Variants in PTPRF observed in about 807,000 individuals in gnomAD.
PTPRF encodes receptor-type tyrosine-protein phosphatase F.
A neutral mutation model predicts 201.8 loss-of-function variants in PTPRF; 59 were observed. That is an observed-to-expected ratio of 0.29 (90% CI 0.24 to 0.36). The LOEUF is 0.36. Ranked by LOEUF, PTPRF falls within the 10% of genes least tolerant of loss-of-function variation. PTPRF has a pLI of 1.00. For missense variants in PTPRF, 2,132 were observed against 2,690.5 expected (o/e 0.79, Z 4.59); for synonymous variants, 1,088 against 1,089.7 (o/e 1.00, Z 0.03).
chr1:43,578,615 C>T (rs1647094776), intron 6 of PTPRF, among the ~76,000 whole-genome samples, 195 bp from the exon 7 acceptor site: 1 of 152,146 alleles, frequency 6.6e-6, no homozygotes, highest in Non-Finnish European at 1.5e-5. Context: ...CAAAGCACAA[C>T]CGTTGGTTCT....
intron 2 of PTPRF, among the ~76,000 whole-genome samples, chr1:43,540,054 G>A (rs1183137760): frequency 1.3e-5 from 2 of 152,186 alleles, no homozygotes; most frequent in African/African-American, 2.4e-5. Flanking sequence ...CTTGTTGTCT[G>A]TGTTGGGGTT....
intron 3 of PTPRF, among the ~76,000 whole-genome samples, chr1:43,547,466 A>G (rs1235556626): frequency 6.6e-6 from 1 of 152,222 alleles, no homozygotes; most frequent in Non-Finnish European, 1.5e-5. Context: ...CGCAGGAGCC[A>G]GGGTCTGTCT....
At chr1:43,616,739 CGGT>C (rs1432750966) in intron 23 of PTPRF, among the ~76,000 whole-genome samples, 1 of 152,056 alleles carries the variant, frequency 6.6e-6, no homozygotes, top group Non-Finnish European at 1.5e-5. Context: ...AAGGACCTCC[CGGT>C]GGAGGTGTCA....
At chr1:43,522,995 G>A (rs943409435), upstream of PTPRF, among the ~76,000 whole-genome samples, 20 of 152,338 alleles carry the variant, frequency 1.3e-4, no homozygotes, top group African/African-American at 3.8e-4. Context: ...GTGAGGAGGC[G>A]CTGCAGAGGT....
Position 43,605,202 on chromosome 1 carries a change from G to A in PTPRF, c.3148G>A (p.Gly1050Arg), listed in dbSNP as rs1470249056. The stretch of plus-strand genomic sequence containing the variant: ...CCGTCCCCCACAGATTCTGTACAAT[G>A]GGCAGAGTGTGGAGGTGGACGGGCA... ...SAVPFKILYN[G>R]QSVEVDGHSM... The change falls in exon 18 of 34, where the codon GGG becomes AGG. Residue 1050 changes from glycine to arginine, a missense_variant. By Grantham distance (125) the Gly-to-Arg change is moderately radical (BLOSUM62 -2). Coordinates refer to ENST00000359947, the MANE Select transcript of PTPRF (RefSeq NM_002840.5). 3 of 1,600,748 alleles carry A rather than the reference G, an allele frequency of 1.9e-6. No individual in the cohort carries two copies. Among genetic ancestry groups the A allele is most frequent in the South Asian group, 1.1e-5 (1 of 90,314 alleles).
intron 6 of PTPRF, among the ~76,000 whole-genome samples, chr1:43,575,719 C>G (rs914922196): frequency 9.9e-5 from 15 of 152,214 alleles, no homozygotes; most frequent in African/African-American, 3.4e-4. Flanking sequence ...CACAGCTTCA[C>G]TGACACTCAG....
chr1:43,571,997 C>T (rs1646604501), intron 6 of PTPRF, among the ~76,000 whole-genome samples: 1 of 152,238 alleles, frequency 6.6e-6, no homozygotes, highest in Non-Finnish European at 1.5e-5. Flanking sequence ...CTTCATGGAG[C>T]TCTTTCTACT....
At chr1:43,563,581 G>A (rs541780827) in intron 5 of PTPRF, among the ~76,000 whole-genome samples, 1 of 152,208 alleles carries the variant, frequency 6.6e-6, no homozygotes, top group Admixed American at 6.5e-5. Context: ...AGTGTGTGAG[G>A]TCAAGAAATG....
chr1:43,592,355 C>T lies in PTPRF; in HGVS notation c.1669-102C>T, dbSNP rs959999706. 92 of 1,399,180 alleles carry T rather than the reference C, an allele frequency of 6.6e-5. 2 individuals are homozygous for T. In the South Asian group the frequency reaches 6.7e-4, roughly 10 times the overall value. 86.7% of individuals were successfully genotyped at this position (1,399,180 alleles called of 1,614,324 possible). A position where few individuals can be genotyped will look rare whatever the true frequency, so the allele number is the denominator to read the frequency against. Reference sequence around the variant, plus strand: ...TATGGTGTGGAGCCAGTCCTGGAGCCGTGGTGGGTCCAGAGGTGTCACATT... The same window carrying T: ...TATGGTGTGGAGCCAGTCCTGGAGCTGTGGTGGGTCCAGAGGTGTCACATT... On this transcript the variant is annotated intron_variant, in intron 10 of 33. Transcript: ENST00000359947.
chr1:43,564,808 TGACA>T (rs1429227113), intron 5 of PTPRF, among the ~76,000 whole-genome samples: 1 of 152,158 alleles, frequency 6.6e-6, no homozygotes, highest in African/African-American at 2.4e-5. Context: ...AAGGTCATAC[TGACA>T]GACGGTGCTG....
Position 43,603,301 on chromosome 1 carries a change from C to A in PTPRF, c.2341-115C>A. 2.2e-6 allele frequency: 2 copies of A among 898,088 alleles called. No homozygotes were observed. The highest frequency in any genetic ancestry group is 1.9e-5 in the Admixed American group (1 of 53,734). 55.6% of individuals were successfully genotyped at this position (898,088 alleles called of 1,614,324 possible). A position where few individuals can be genotyped will look rare whatever the true frequency, so the allele number is the denominator to read the frequency against. ...CATTGTATAGCCCCACCTTCCACAA[C>A]CCCTGGCCTTGTGTGCCCCGGGGCT... is the stretch of plus-strand genomic sequence containing the variant. On this transcript the variant is annotated intron_variant, in intron 14 of 33. Transcript: ENST00000359947. This position sits in a 1 kb window ranked among gnomAD's most constrained non-coding sequence, Gnocchi z 5.8.
intron 5 of PTPRF, among the ~76,000 whole-genome samples, chr1:43,563,363 C>T (rs1024467423): frequency 1.3e-5 from 2 of 152,076 alleles, no homozygotes; most frequent in African/African-American, 4.8e-5. Flanking sequence ...AGTTAGAAAT[C>T]TGTTGAGCCA....
rs12134958 is a variant in PTPRF at position 43,565,827 on chromosome 1, G to A, written c.380-3763G>A. ...GGGGCGGGAAGGGCGGTGCCAGGGCGGACAGCGGACGCGCGCGCCTGCACG... is the reference window on the plus strand; with the variant it reads ...GGGGCGGGAAGGGCGGTGCCAGGGCAGACAGCGGACGCGCGCGCCTGCACG... On this transcript the variant is annotated intron_variant, in intron 5 of 33. Transcript: ENST00000359947. Among the ~76,000 whole-genome samples the A allele has an allele frequency of 9.1e-3, 1,392 of 152,288 alleles. 19 individuals carry two copies. Among genetic ancestry groups the A allele is most frequent in the South Asian group, 0.046 (220 of 4,824 alleles).
intron 5 of PTPRF, among the ~76,000 whole-genome samples, chr1:43,563,109 C>A (rs183289384): frequency 2.7e-5 from 4 of 150,448 alleles, no homozygotes; most frequent in African/African-American, 9.8e-5. Context: ...ACCCGGGAGG[C>A]AGAGGTTGCA....
chr1:43,603,990 G>A lies in PTPRF; in HGVS notation c.2838G>A (p.Gly946=), dbSNP rs759626373. The change falls in exon 16 of 34, where the codon GGG becomes GGA. Residue 946 remains glycine (G), a synonymous_variant. Coordinates refer to ENST00000359947, the MANE Select transcript of PTPRF (RefSeq NM_002840.5). This position sits in a 1 kb window ranked among gnomAD's most constrained non-coding sequence, Gnocchi z 5.8. ...WDPPVLAERN[G]RIISYTVVFR... ...CGCCAGTGCTGGCGGAGAGGAACGG[G>A]CGCATCATCAGCTACACCGTGGTGT... is the stretch of plus-strand genomic sequence containing the variant. 4 of 1,614,098 alleles carry A rather than the reference G, an allele frequency of 2.5e-6. No individual in the cohort carries two copies. Among genetic ancestry groups the A allele is most frequent in the East Asian group, 2.2e-5 (1 of 44,898 alleles).
chr1:43,563,189 A>C (rs1167294953), intron 5 of PTPRF, among the ~76,000 whole-genome samples: 2 of 151,772 alleles, frequency 1.3e-5, no homozygotes, highest in Non-Finnish European at 2.9e-5. Flanking sequence ...AAAAAAAAAA[A>C]AAAAATAAGA....
At position 43,606,849 on chromosome 1, in the gene PTPRF, C is replaced by T. The variant is rs367715901; in HGVS notation, c.3738C>T (p.Ile1246=). Residue 1246 remains isoleucine (I), a synonymous_variant, in exon 21 of 34, where the codon ATC becomes ATT. Transcript: ENST00000359947. ...RYASSPYSDE[I]VVQVTPAQQQ... ...CCTCCAGCCCCTACTCGGATGAGAT[C>T]GTGGTCCAGGTGACACCAGCCCAGC... 6.8e-6 allele frequency: 11 copies of T among 1,614,088 alleles called. No homozygotes were observed. The highest frequency in any genetic ancestry group is 2.2e-5 in the East Asian group (1 of 44,880).
chr1:43,572,963 C>T (rs2153990427), intron 6 of PTPRF, among the ~76,000 whole-genome samples: 1 of 152,200 alleles, frequency 6.6e-6, no homozygotes, highest in East Asian at 1.9e-4. Flanking sequence ...GACCCCAGGC[C>T]CCCACTGACC....
rs116191616 is a variant in PTPRF at position 43,542,568 on chromosome 1, G to A, written c.-45-2463G>A. Among the ~76,000 whole-genome samples the A allele has an allele frequency of 7.0e-3, 1,072 of 152,214 alleles. 13 individuals carry two copies. Among genetic ancestry groups the A allele is most frequent in the African/African-American group, 0.024 (1,006 of 41,508 alleles). On this transcript the variant is annotated intron_variant, in intron 2 of 33. Transcript: ENST00000359947. The surrounding 1 kb of genome is among the most constrained non-coding windows in gnomAD (Gnocchi z 5.2). ...ACTCTCATCCAGGCTTGTACCACAT[G>A]GGTGTCTATTCTGGGAGTTTTACCC... is the stretch of plus-strand genomic sequence containing the variant.
Sources: allele counts gnomAD v4.1 joint callset (sites outside exome capture counted in the v4.1 genomes callset), GRCh38; gene constraint gnomAD v4.1.1; non-coding constraint Gnocchi (gnomAD v3.1); transcripts MANE v1.5; gene names NCBI Gene and HGNC (gene_info 2026-07-23, HGNC 2026-07-21).